TENM2: variants seen among roughly 807,000 people sequenced by gnomAD.
The protein encoded by TENM2 is teneurin-2.
TENM2 carries 52 observed loss-of-function variants against 245.2 expected under a neutral mutation model. The ratio of observed to expected loss-of-function variants is 0.21; its 90% CI spans 0.17 to 0.27. The LOEUF is 0.27. TENM2 is among the 10% of genes least tolerant of loss of function. TENM2 has a pLI of 1.00. For synonymous variants in TENM2, 1,363 were observed against 1,438.9 expected, an observed-to-expected ratio of 0.95 and a Z score of 1.19; for missense variants, 3,046 against 3,666.8, an observed-to-expected ratio of 0.83 and a Z score of 4.37.
the TENM2 span, among the ~76,000 whole-genome samples, chr5:167,192,628 G>A: frequency 6.6e-6 from 1 of 152,044 alleles, no homozygotes; most frequent in Non-Finnish European, 1.5e-5. Flanking sequence ...TACTCCCAAT[G>A]GAGTCAGATA....
intron 2 of TENM2, among the ~76,000 whole-genome samples, chr5:167,690,135 C>G (rs1024019837): frequency 7.5e-5 from 9 of 119,420 alleles, no homozygotes; most frequent in African/African-American, 2.1e-4. Context: ...TTTAGTAATT[C>G]AAACCCCAAA....
chr5:167,837,913 C>A (rs1229912456), intron 2 of TENM2, among the ~76,000 whole-genome samples: 1 of 152,096 alleles, frequency 6.6e-6, no homozygotes, highest in Non-Finnish European at 1.5e-5. Context: ...GTCCCAGGGA[C>A]CTTGAAGTCT....
the TENM2 span, among the ~76,000 whole-genome samples, chr5:167,159,741 C>A: frequency 6.6e-6 from 1 of 152,150 alleles, no homozygotes; most frequent in Non-Finnish European, 1.5e-5. Flanking sequence ...CACAAGAGAA[C>A]CCCCACATTT....
intron 2 of TENM2, among the ~76,000 whole-genome samples, chr5:167,493,039 C>T (rs1768537981): frequency 6.6e-6 from 1 of 152,012 alleles, no homozygotes. Flanking sequence ...TGTTAGGAAC[C>T]CTTCCTGCTG....
chr5:168,077,101 T>C (rs1465655334), intron 7 of TENM2, among the ~76,000 whole-genome samples: 1 of 152,176 alleles, frequency 6.6e-6, no homozygotes, highest in Non-Finnish European at 1.5e-5. Flanking sequence ...TTGTATTCAG[T>C]AGGGTTATTA....
exon 25 of TENM2, chr5:168,228,090 A>G: frequency 1.2e-6 from 2 of 1,613,868 alleles, no homozygotes; most frequent in Non-Finnish European, 1.7e-6. Flanking sequence ...AGAAAGGAAC[A>G]GATTAAAGGC....
At chr5:167,685,601 TAGG>T (rs1242890897) in intron 2 of TENM2, among the ~76,000 whole-genome samples, 1 of 152,216 alleles carries the variant, frequency 6.6e-6, no homozygotes, top group Non-Finnish European at 1.5e-5. Context: ...GTCTTGCACT[TAGG>T]AGTGTCTACC....
rs549225882 is a variant in TENM2 at position 168,091,723 on chromosome 5, G to A, written c.1711+954G>A. 8.1e-4 allele frequency among the ~76,000 whole-genome samples: 124 copies of A among 152,322 alleles called. 1 individual carries two copies. The South Asian group carries it at 0.012, about 15-fold the overall frequency. On this transcript the variant is annotated intron_variant, in intron 8 of 28. Transcript: ENST00000518659. ...GAAATGGCATGGGCTTCTGGGTCTT[G>A]TCCACTGCCCTTGTACAACACCATG...
chr5:167,244,074 A>C, the TENM2 span, among the ~76,000 whole-genome samples: 1 of 152,258 alleles, frequency 6.6e-6, no homozygotes, highest in African/African-American at 2.4e-5. Flanking sequence ...ATTTTAATCT[A>C]AATCTGTTCT....
rs184893043 is a variant in TENM2, at chr5:167,899,004, G to A, written c.712+22809G>A. Among the ~76,000 whole-genome samples, 151 of 152,146 alleles carry A rather than the reference G, an allele frequency of 9.9e-4. 1 individual carries two copies. Among genetic ancestry groups the A allele is most frequent in the African/African-American group, 3.4e-3 (141 of 41,494 alleles). Reference sequence around the variant, plus strand: ...GGATTTCAGGGAAGAGAGGCAAGAGGGAAGAAAAGAATGGAAGGGAAGAGA... The same window carrying A: ...GGATTTCAGGGAAGAGAGGCAAGAGAGAAGAAAAGAATGGAAGGGAAGAGA... On this transcript the variant is annotated intron_variant, in intron 3 of 28. Transcript: ENST00000518659.
chr5:167,880,016 A>T (rs914231147), intron 3 of TENM2, among the ~76,000 whole-genome samples: 1 of 152,124 alleles, frequency 6.6e-6, no homozygotes, highest in African/African-American at 2.4e-5. Flanking sequence ...CACCTCCCTC[A>T]TAATATGTAA....
At chr5:167,879,298 G>C (rs1773683708) in intron 3 of TENM2, among the ~76,000 whole-genome samples, 1 of 152,142 alleles carries the variant, frequency 6.6e-6, no homozygotes, top group African/African-American at 2.4e-5. Flanking sequence ...TGCCAATCAA[G>C]TAGATACCCA....
chr5:167,777,170 G>C (rs1009663587), intron 2 of TENM2, among the ~76,000 whole-genome samples: 3 of 152,182 alleles, frequency 2.0e-5, no homozygotes, highest in Non-Finnish European at 4.4e-5. Flanking sequence ...GAGAGTGTGA[G>C]CTAATCTAAG....
intron 12 of TENM2, among the ~76,000 whole-genome samples, chr5:168,146,927 G>A (rs1336699743): frequency 6.6e-6 from 1 of 152,212 alleles, no homozygotes; most frequent in African/African-American, 2.4e-5. Context: ...GGCATCAGGG[G>A]ACCCCCCCTT....
At chr5:167,441,977 G>A (rs939159057) in intron 2 of TENM2, among the ~76,000 whole-genome samples, 2 of 151,958 alleles carry the variant, frequency 1.3e-5, no homozygotes, top group African/African-American at 4.8e-5. Flanking sequence ...TCTGGGCCTC[G>A]GGTTTTTGCT....
At chr5:167,293,463 A>G (rs886526464) in intron 1 of TENM2, among the ~76,000 whole-genome samples, 2 of 145,392 alleles carry the variant, frequency 1.4e-5, no homozygotes, top group African/African-American at 5.1e-5. Flanking sequence ...TAGGTGATCC[A>G]CCCGCCTCGG....
At chr5:167,380,570 A>T (rs1761039841) in intron 2 of TENM2, among the ~76,000 whole-genome samples, 1 of 152,014 alleles carries the variant, frequency 6.6e-6, no homozygotes, top group Non-Finnish European at 1.5e-5. Context: ...AGTTTCTTTC[A>T]TGTTTGTTAA....
intron 2 of TENM2, among the ~76,000 whole-genome samples, chr5:167,588,752 G>T (rs1283609394): frequency 6.6e-6 from 1 of 152,188 alleles, no homozygotes; most frequent in African/African-American, 2.4e-5. Flanking sequence ...TAGAACCTAT[G>T]TAGAATTACT....
chr5:168,226,115 C>A (rs193093099), exon 24 of TENM2: 2 of 1,613,674 alleles, frequency 1.2e-6, no homozygotes, highest in East Asian at 4.5e-5. Context: ...GCCTGACCAA[C>A]GTGACGCGCC....
Sources: allele counts gnomAD v4.1 joint callset (sites outside exome capture counted in the v4.1 genomes callset), GRCh38; gene constraint gnomAD v4.1.1; transcripts MANE v1.5; gene names NCBI Gene and HGNC (gene_info 2026-07-23, HGNC 2026-07-21).